Variants in MYPN observed in about 807,000 individuals in gnomAD.
The protein encoded by MYPN is myopalladin.
In MYPN, 63 loss-of-function variants were observed where a neutral mutation model predicts 129.4. That is an observed-to-expected ratio of 0.49 (90% CI 0.40 to 0.60). The LOEUF (loss-of-function observed/expected upper bound fraction) is 0.60. MYPN is among the 20% of genes least tolerant of loss of function. The pLI is 0.00. For missense variants in MYPN, 1,596 were observed against 1,635.4 expected (o/e 0.98, Z 0.42); for synonymous variants, 629 against 600.9 (o/e 1.05, Z -0.68).
intron 1 of MYPN, among the ~76,000 whole-genome samples, chr10:68,116,086 CTT>C (rs1292257215): frequency 2.6e-5 from 4 of 152,052 alleles, no homozygotes; most frequent in Non-Finnish European, 4.4e-5. Context: ...AGGATAGAGA[CTT>C]TGTCTTTTGT....
At chr10:68,095,349 C>CAA (rs34153833) in intron 1 of MYPN, among the ~76,000 whole-genome samples, 11,197 of 114,578 alleles carry the variant, frequency 0.098, 1,205 homozygotes, top group African/African-American at 0.26. Flanking sequence ...GTCCCTGTCT[C>CAA]AAAAAAAAAA....
intron 12 of MYPN, among the ~76,000 whole-genome samples, chr10:68,181,263 G>T (rs1333892416): frequency 6.6e-6 from 1 of 152,098 alleles, no homozygotes. Flanking sequence ...CATTTGTGCA[G>T]AACAGTGCAG....
At chr10:68,132,204 G>A (rs538001697) in intron 2 of MYPN, among the ~76,000 whole-genome samples, 2 of 152,104 alleles carry the variant, frequency 1.3e-5, no homozygotes, top group African/African-American at 4.8e-5. Context: ...AATCATGAAA[G>A]GATGTTGAAT....
chr10:68,209,671 C>CTTTTTTTTTTTTTT (rs35392300), intron 19 of MYPN, among the ~76,000 whole-genome samples: 15 of 131,176 alleles, frequency 1.1e-4, no homozygotes, highest in East Asian at 2.3e-4. Context: ...GAATTCTTTT[C>CTTTTTTTTTTTTTT]TTTTTTTTTT....
At chr10:68,209,168 A>C (rs996743617) in intron 19 of MYPN, among the ~76,000 whole-genome samples, 1 of 152,318 alleles carries the variant, frequency 6.6e-6, no homozygotes, top group South Asian at 2.1e-4. Flanking sequence ...GCCCTTCTGC[A>C]CACCAAGGTC....
intron 1 of MYPN, among the ~76,000 whole-genome samples, chr10:68,092,212 C>T (rs558194516): frequency 3.3e-5 from 5 of 151,994 alleles, no homozygotes; most frequent in African/African-American, 9.6e-5. Context: ...TGTTGTTGGC[C>T]GGGTGCAGTG....
At chr10:68,127,898 A>G (rs145882351) in intron 2 of MYPN, among the ~76,000 whole-genome samples, 136 of 152,364 alleles carry the variant, frequency 8.9e-4, no homozygotes, top group Admixed American at 2.3e-3. Flanking sequence ...GCAAGAAAAT[A>G]TAATAAGCAT....
In MYPN at chr10:68,174,331, T is replaced by C. The variant is rs1219175492; in HGVS notation, c.2239T>C (p.Leu747=). ...VAPSSSPVFT[L]SSTPQTIQRT... ...CCCTTCCAGCTCTCCGGTGTTCACT[T>C]TGAGCAGCACTCCTCAAACTATTCA... The change falls in exon 11 of 20, where the codon TTG becomes CTG. Residue 747 remains leucine, a synonymous_variant. Transcript: ENST00000358913. The C allele has an allele frequency of 1.2e-6, 2 of 1,613,988 alleles. No individual in the cohort carries two copies. The highest frequency in any genetic ancestry group is 1.7e-6 in the Non-Finnish European group (2 of 1,180,020).
At chr10:68,154,938 G>A (rs376914207) in intron 6 of MYPN, among the ~76,000 whole-genome samples, 9 of 152,230 alleles carry the variant, frequency 5.9e-5, no homozygotes, top group African/African-American at 1.7e-4. Flanking sequence ...CCAGCACTTC[G>A]GGAGGTTGAG....
intron 1 of MYPN, among the ~76,000 whole-genome samples, chr10:68,116,015 T>C (rs2042151797): frequency 6.6e-6 from 1 of 152,168 alleles, no homozygotes; most frequent in Admixed American, 6.5e-5. Context: ...TCAATCCCCC[T>C]TTTCTATTTT....
intron 1 of MYPN, among the ~76,000 whole-genome samples, chr10:68,092,396 G>A (rs1416100231): frequency 1.3e-5 from 2 of 151,974 alleles, no homozygotes; most frequent in African/African-American, 2.4e-5. Context: ...TCGGGAGGCT[G>A]AGGCAGGAGA....
rs2043925018 is a variant in MYPN at position 68,211,967 on chromosome 10, A to AAACTGTCTTCC, written c.*1512_*1513insAACTGTCTTCC. ...CTTAGAAAGGCTTGAAACTGTCTTC[A>AAACTGTCTTCC]CTTCAAGGCAAGGATTTCCAGCATA... On this transcript the variant is annotated 3_prime_UTR_variant, in exon 20 of 20. Coordinates refer to ENST00000358913, the MANE Select transcript of MYPN (RefSeq NM_032578.4). The AAACTGTCTTCC allele has an allele frequency of 2.8e-6, 1 of 363,204 alleles. No individual in the cohort carries two copies. Among genetic ancestry groups the AAACTGTCTTCC allele is most frequent in the African/African-American group, 2.1e-5 (1 of 46,836 alleles). The allele number at this position is 363,204 out of a possible 1,614,324, so 22.5% of individuals were successfully genotyped here.
rs2043916691 is a variant in MYPN, at chr10:68,211,570, C to A, written c.*1115C>A. On this transcript the variant is annotated 3_prime_UTR_variant, in exon 20 of 20. Transcript: ENST00000358913. ...AGTTGGGAGAAAGGGGAATATGCAT[C>A]TTTATTCTAATCACCAATTCAAACC... is the stretch of plus-strand genomic sequence containing the variant. The A allele has an allele frequency of 2.2e-6, 1 of 454,090 alleles. No individual in the cohort carries two copies. The allele number at this position is 454,090 out of a possible 1,614,324, so 28.1% of individuals were successfully genotyped here.
At chr10:68,159,284 G>A (rs1052121612) in intron 7 of MYPN, among the ~76,000 whole-genome samples, 23 of 152,232 alleles carry the variant, frequency 1.5e-4, no homozygotes, top group Middle Eastern at 6.8e-3. Context: ...TGGGACACAC[G>A]TCGCCCTAGC....
chr10:68,162,223 G>A (rs1297342980), intron 8 of MYPN: 2 of 150,474 alleles, frequency 1.3e-5, no homozygotes, highest in Non-Finnish European at 2.9e-5. Context: ...ATTGTAGGAG[G>A]AAAGGAGGGG....
chr10:68,117,190 C>T (rs1230462887), intron 1 of MYPN, among the ~76,000 whole-genome samples: 2 of 150,456 alleles, frequency 1.3e-5, no homozygotes, highest in Non-Finnish European at 2.9e-5. Flanking sequence ...CACCATTGCA[C>T]TCCAGCCTGG....
chr10:68,184,579 C>A (rs747478253), intron 12 of MYPN, among the ~76,000 whole-genome samples: 18 of 152,180 alleles, frequency 1.2e-4, no homozygotes, highest in Non-Finnish European at 2.4e-4. Context: ...CAGGCACACG[C>A]CACCACGCCC....
chr10:68,147,456 C>T (rs1410691243), intron 4 of MYPN, among the ~76,000 whole-genome samples: 1 of 152,204 alleles, frequency 6.6e-6, no homozygotes, highest in African/African-American at 2.4e-5. Flanking sequence ...CGTGCCCCCT[C>T]CGGGAATTAT....
chr10:68,129,130 C>T (rs1326459754), intron 2 of MYPN, among the ~76,000 whole-genome samples: 1 of 151,966 alleles, frequency 6.6e-6, no homozygotes, highest in African/African-American at 2.4e-5. Flanking sequence ...GATGGACAGG[C>T]AAATTCACAG....
Sources: gnomAD v4.1 joint callset for allele counts (sites outside exome capture counted in the v4.1 genomes callset) on GRCh38, gnomAD v4.1.1 for gene constraint, MANE v1.5 for transcripts, NCBI Gene and HGNC (gene_info 2026-07-23, HGNC 2026-07-21) for gene names.